Variants in MCCC1 observed in about 807,000 individuals in gnomAD.
MCCC1 encodes the protein methylcrotonoyl-CoA carboxylase subunit alpha, mitochondrial.
Under a neutral mutation model 83.8 loss-of-function variants are expected in MCCC1, and 64 were observed. That is an observed-to-expected ratio of 0.76 (90% CI 0.62 to 0.94). MCCC1 has a LOEUF of 0.94. Ranked by LOEUF, MCCC1 falls within the 40% of genes least tolerant of loss-of-function variation. MCCC1 has a pLI of 0.00. For missense variants in MCCC1, 807 were observed against 904.7 expected, an observed-to-expected ratio of 0.89 and a Z score of 1.39; for synonymous variants, 322 against 315.4, an observed-to-expected ratio of 1.02 and a Z score of -0.22.
At chr3:183,061,478 G>A (rs1303182419) in intron 7 of MCCC1, among the ~76,000 whole-genome samples, 3 of 152,058 alleles carry the variant, frequency 2.0e-5, no homozygotes, top group African/African-American at 7.2e-5. Flanking sequence ...TTTTACTGTG[G>A]GAACTTGGTG....
chr3:183,108,445 G>T (rs1719440224), intron 1 of MCCC1, among the ~76,000 whole-genome samples: 1 of 152,132 alleles, frequency 6.6e-6, no homozygotes, highest in African/African-American at 2.4e-5. Flanking sequence ...ATTGGTGTCT[G>T]CCAGGTTTCC....
chr3:183,071,200 A>T lies in MCCC1; in HGVS notation c.639+10T>A. On this transcript the variant is annotated intron_variant, in intron 6 of 18. Transcript: ENST00000265594. ...CCTGAATTGGCAAACACAAGCATGC[A>T]CAATCTTACTTTTCCTCCTCCACCC... 6.2e-7 allele frequency: 1 copy of T among 1,614,226 alleles called. No homozygotes were observed. Among genetic ancestry groups the T allele is most frequent in the Non-Finnish European group, 8.5e-7 (1 of 1,180,030 alleles).
At chr3:183,020,653 C>T (rs1232513817) in intron 16 of MCCC1, among the ~76,000 whole-genome samples, 1 of 151,864 alleles carries the variant, frequency 6.6e-6, no homozygotes, top group African/African-American at 2.4e-5. Context: ...AAATTAGTCA[C>T]CATTAATACC....
exon 1 of MCCC1, chr3:183,115,868 A>C (rs1268417469): frequency 6.6e-6 from 1 of 152,080 alleles, no homozygotes; most frequent in Non-Finnish European, 1.5e-5. Flanking sequence ...AAAAAAAAAA[A>C]GTCCTAAATG....
chr3:183,017,404 A>G, intron 17 of MCCC1, 67 bp from the exon 18 acceptor site: 1 of 1,416,220 alleles, frequency 7.1e-7, no homozygotes, highest in Non-Finnish European at 1.0e-6. Flanking sequence ...CATCTGCTTC[A>G]TTATAGTAAC....
At chr3:183,060,587 T>A (rs78224255) in intron 7 of MCCC1, among the ~76,000 whole-genome samples, 2 of 152,110 alleles carry the variant, frequency 1.3e-5, no homozygotes, top group South Asian at 2.1e-4. Flanking sequence ...AGTTTTTTTT[T>A]ATTATACTTT....
At chr3:183,083,917 AGGGAAT>A (rs1450356852) in intron 4 of MCCC1, among the ~76,000 whole-genome samples, 5 of 152,234 alleles carry the variant, frequency 3.3e-5, no homozygotes, top group Non-Finnish European at 7.3e-5. Context: ...TCCAATGAAT[AGGGAAT>A]GGGGCTGGGA....
intron 17 of MCCC1, 58 bp downstream of exon 17, chr3:183,020,072 T>C (rs1712022190): frequency 7.5e-7 from 1 of 1,342,234 alleles, no homozygotes; most frequent in Admixed American, 1.7e-5. Flanking sequence ...ATGACAAGTT[T>C]AACAAAGCCA....
In MCCC1 at chr3:183,045,683, T is replaced by C. The variant is rs577010536; in HGVS notation, c.956-143A>G. On this transcript the variant is annotated intron_variant, in intron 9 of 18. Coordinates refer to ENST00000265594, the MANE Select transcript of MCCC1 (RefSeq NM_020166.5). ...CATTTCATGAAGAAAACATCTCGCA[T>C]TTGCAGCAGCATATGAATCTTAGTC... The C allele has an allele frequency of 1.1e-5, 10 of 875,988 alleles. No homozygotes were observed. In the African/African-American group the frequency reaches 1.7e-4, roughly 15 times the overall value. 54.3% of individuals were successfully genotyped at this position (875,988 alleles called of 1,614,324 possible).
rs375022956 is a variant in MCCC1 at position 183,038,028 on chromosome 3, T to C, written c.1378-594A>G. Among the ~76,000 whole-genome samples, 5 of 152,334 alleles carry C rather than the reference T, an allele frequency of 3.3e-5. No individual in the cohort carries two copies. The South Asian group carries it at 6.2e-4, about 19-fold the overall frequency. On this transcript the variant is annotated intron_variant, in intron 12 of 18. Transcript: ENST00000265594. ...AGCTTTGGGTTCATTCATTCACTCA[T>C]CCATTCCTTCATTCATTTAACAGCC...
chr3:183,034,193 G>C lies in MCCC1; in HGVS notation c.1595-116C>G, dbSNP rs1560215641. ...TGGCCGGGCACAGTGGCTCATGCCT[G>C]TAATCCCAGCACTTTGGGAGGCCAA... On this transcript the variant is annotated intron_variant, in intron 13 of 18. Transcript: ENST00000265594. 3 of 733,968 alleles carry C rather than the reference G, an allele frequency of 4.1e-6. No homozygotes were observed. The East Asian group carries it at 8.2e-5, about 20-fold the overall frequency. The allele number at this position is 733,968 out of a possible 1,614,324, so 45.5% of individuals were successfully genotyped here. A position where few individuals can be genotyped will look rare whatever the true frequency, so the allele number is the denominator to read the frequency against.
intron 11 of MCCC1, among the ~76,000 whole-genome samples, chr3:183,040,080 G>C (rs1713946913): frequency 9.9e-6 from 1 of 100,988 alleles, no homozygotes; most frequent in Non-Finnish European, 1.8e-5. Flanking sequence ...TGGGCAACAA[G>C]AGTGAAACTC....
chr3:183,036,030 A>T (rs199843104), intron 13 of MCCC1, among the ~76,000 whole-genome samples: 1 of 136,328 alleles, frequency 7.3e-6, no homozygotes, highest in South Asian at 2.5e-4. Context: ...CCTGTGTCCA[A>T]GTGATCTCAT....
intron 16 of MCCC1, among the ~76,000 whole-genome samples, chr3:183,021,337 C>T (rs1219706189): frequency 6.6e-6 from 1 of 152,170 alleles, no homozygotes; most frequent in Non-Finnish European, 1.5e-5. Flanking sequence ...AATCCTCCTG[C>T]ATTAGCCTCC....
At chr3:183,077,205 G>C (rs990525116) in intron 4 of MCCC1, among the ~76,000 whole-genome samples, 16 of 152,072 alleles carry the variant, frequency 1.1e-4, no homozygotes, top group Non-Finnish European at 2.4e-4. Flanking sequence ...TGAACATTCA[G>C]GTATAAATTT....
At chr3:183,034,218 AGGCG>A (rs1235351450) in intron 13 of MCCC1, 141 bp from the exon 14 acceptor site, 5 of 626,192 alleles carry the variant, frequency 8.0e-6, no homozygotes, top group Non-Finnish European at 1.2e-5. Flanking sequence ...TGGGAGGCCA[AGGCG>A]GGCGGATCAT....
intron 7 of MCCC1, among the ~76,000 whole-genome samples, chr3:183,065,064 G>A (rs181781478): frequency 8.6e-4 from 130 of 151,694 alleles, no homozygotes; most frequent in Non-Finnish European, 1.3e-3. Context: ...AAGCTGTAGT[G>A]AATCTGGTGT....
chr3:183,058,155 C>A (rs1715563180), intron 7 of MCCC1, among the ~76,000 whole-genome samples: 1 of 152,006 alleles, frequency 6.6e-6, no homozygotes, highest in South Asian at 2.1e-4. Context: ...TGTCAAAAGA[C>A]CAATGAAAAA....
At chr3:183,080,761 G>T (rs1199804143) in intron 4 of MCCC1, among the ~76,000 whole-genome samples, 1 of 152,188 alleles carries the variant, frequency 6.6e-6, no homozygotes, top group Non-Finnish European at 1.5e-5. Flanking sequence ...AAAGAAAGAG[G>T]TTTAGTGGCT....
Sources: allele counts gnomAD v4.1 joint callset (sites outside exome capture counted in the v4.1 genomes callset), GRCh38; gene constraint gnomAD v4.1.1; transcripts MANE v1.5; gene names NCBI Gene and HGNC (gene_info 2026-07-23, HGNC 2026-07-21).